Variants in CLASP1 observed in about 807,000 individuals in gnomAD.
The protein encoded by CLASP1 is CLIP-associating protein 1.
A neutral mutation model predicts 192.3 loss-of-function variants in CLASP1; 38 were observed. That is an observed-to-expected ratio of 0.20 (90% CI 0.15 to 0.26). The LOEUF (loss-of-function observed/expected upper bound fraction) is 0.26. Among genes scored for constraint, CLASP1 ranks in the 10% least tolerant of loss-of-function variants. The probability of loss-of-function intolerance (pLI) is 1.00; values close to 1 mark genes in which losing one functional copy is unlikely to be tolerated. For missense variants in CLASP1, 1,433 were observed against 1,932.5 expected (o/e 0.74, Z 4.85); for synonymous variants, 691 against 712.8 (o/e 0.97, Z 0.49).
At position 121,544,284 on chromosome 2, in the gene CLASP1, A is replaced by G. The variant is rs550876153; in HGVS notation, c.196-13959T>C. On this transcript the variant is annotated intron_variant, in intron 2 of 39. Coordinates refer to ENST00000263710, the Ensembl canonical transcript of CLASP1. ...ATTGGTTATAGCTCCCAGCATTCCAATCTCCACAGAGGCACCATGAGAGAC... is the reference window on the plus strand; with the variant it reads ...ATTGGTTATAGCTCCCAGCATTCCAGTCTCCACAGAGGCACCATGAGAGAC... Among the ~76,000 whole-genome samples the G allele has an allele frequency of 2.6e-5, 4 of 152,208 alleles. No individual in the cohort carries two copies. The East Asian group carries it at 5.8e-4, about 22-fold the overall frequency.
At chr2:121,629,066 G>C (rs2068948412) in intron 1 of CLASP1, among the ~76,000 whole-genome samples, 1 of 151,948 alleles carries the variant, frequency 6.6e-6, no homozygotes, top group Admixed American at 6.6e-5. Flanking sequence ...CCGTACAACA[G>C]CATACTATGC....
At chr2:121,565,663 A>G (rs1371395990) in intron 2 of CLASP1, among the ~76,000 whole-genome samples, 1 of 152,114 alleles carries the variant, frequency 6.6e-6, no homozygotes, top group Non-Finnish European at 1.5e-5. Context: ...CTGATGCCCC[A>G]TACTGTGAGC....
chr2:121,356,228 C>T (rs1222500233), intron 37 of CLASP1, among the ~76,000 whole-genome samples: 2 of 152,042 alleles, frequency 1.3e-5, no homozygotes, highest in South Asian at 2.1e-4. Flanking sequence ...GCTACTCAAT[C>T]GTGTGGAAGC....
Position 121,573,252 on chromosome 2 carries a change from G to A in CLASP1, c.195+32449C>T, listed in dbSNP as rs917410302. On this transcript the variant is annotated intron_variant, in intron 2 of 39. Transcript: ENST00000263710. Reference sequence around the variant, plus strand: ...TGGGATTACAGGCGTGAGCCACCGCGCCCAGCTGAAAACACAGTTTTCTAA... The same window carrying A: ...TGGGATTACAGGCGTGAGCCACCGCACCCAGCTGAAAACACAGTTTTCTAA... 4.6e-5 allele frequency among the ~76,000 whole-genome samples: 7 copies of A among 152,290 alleles called. 1 individual carries two copies. Among genetic ancestry groups the A allele is most frequent in the African/African-American group, 1.4e-4 (6 of 41,564 alleles).
chr2:121,595,192 G>A (rs938010160), intron 2 of CLASP1, among the ~76,000 whole-genome samples: 1 of 152,180 alleles, frequency 6.6e-6, no homozygotes, highest in Non-Finnish European at 1.5e-5. Context: ...GGGTGCTACA[G>A]TCAGACTATT....
At chr2:121,622,801 G>A (rs1454290607) in intron 1 of CLASP1, among the ~76,000 whole-genome samples, 1 of 152,126 alleles carries the variant, frequency 6.6e-6, no homozygotes, top group Non-Finnish European at 1.5e-5. Flanking sequence ...TTATATACAA[G>A]ATCATACCAT....
At chr2:121,502,679 G>A (rs1348988345) in intron 8 of CLASP1, among the ~76,000 whole-genome samples, 1 of 152,222 alleles carries the variant, frequency 6.6e-6, no homozygotes. Context: ...AGTGGGCCAT[G>A]GTGAGTTGGT....
intron 23 of CLASP1, among the ~76,000 whole-genome samples, chr2:121,417,254 T>A (rs960960151): frequency 6.6e-6 from 1 of 152,098 alleles, no homozygotes; most frequent in African/African-American, 2.4e-5. Flanking sequence ...CATGCCAGAT[T>A]CCAAAGGATG....
intron 7 of CLASP1, among the ~76,000 whole-genome samples, chr2:121,505,866 T>C (rs987697704): frequency 1.3e-5 from 2 of 152,046 alleles, no homozygotes; most frequent in Non-Finnish European, 2.9e-5. Flanking sequence ...ATTTTATATA[T>C]AAATTTTAAA....
chr2:121,475,968 A>G (rs1347765050), intron 8 of CLASP1, among the ~76,000 whole-genome samples: 1 of 152,232 alleles, frequency 6.6e-6, no homozygotes, highest in Non-Finnish European at 1.5e-5. Flanking sequence ...CTTCTACAGC[A>G]TCAGGATAAA....
chr2:121,564,639 C>T (rs571340788), intron 2 of CLASP1, among the ~76,000 whole-genome samples: 3 of 152,234 alleles, frequency 2.0e-5, no homozygotes, highest in Non-Finnish European at 4.4e-5. Flanking sequence ...ACACGGGAAA[C>T]CAAGCACACA....
At chr2:121,412,920 T>C (rs1483071003) in intron 23 of CLASP1, among the ~76,000 whole-genome samples, 1 of 152,192 alleles carries the variant, frequency 6.6e-6, no homozygotes. Flanking sequence ...CCTATGACTG[T>C]GCTCTCAGTC....
intron 2 of CLASP1, among the ~76,000 whole-genome samples, chr2:121,588,173 C>CAAAA (rs397769809): frequency 9.8e-5 from 6 of 61,020 alleles, no homozygotes; most frequent in Non-Finnish European, 2.0e-4. Context: ...GACTCCGTCT[C>CAAAA]AAAAAAAAAA....
chr2:121,510,801 AAATAAT>A (rs540818823), intron 7 of CLASP1, among the ~76,000 whole-genome samples: 55 of 152,156 alleles, frequency 3.6e-4, no homozygotes, highest in African/African-American at 1.3e-3. Context: ...CTGCCTCAAA[AAATAAT>A]AATAATAAAT....
At chr2:121,449,173 T>C in intron 16 of CLASP1, 53 bp from the exon 17 acceptor site, 3 of 1,538,180 alleles carry the variant, frequency 2.0e-6, no homozygotes, top group Non-Finnish European at 2.7e-6. Flanking sequence ...AACAGGTCTT[T>C]TGCTGAACTC....
At chr2:121,501,476 C>T (rs75389191) in intron 8 of CLASP1, among the ~76,000 whole-genome samples, 5,850 of 152,036 alleles carry the variant, frequency 0.038, 159 homozygotes, top group East Asian at 0.14. Flanking sequence ...GAAAATTACA[C>T]CATAGTTAAA....
intron 2 of CLASP1, among the ~76,000 whole-genome samples, chr2:121,566,014 G>C (rs575536670): frequency 2.6e-5 from 4 of 152,304 alleles, no homozygotes; most frequent in African/African-American, 2.4e-5. Context: ...CACAGCAGGA[G>C]CTAGCACTGG....
At chr2:121,379,325 GTAGAA>G (rs1488598199) in intron 33 of CLASP1, among the ~76,000 whole-genome samples, 1 of 152,142 alleles carries the variant, frequency 6.6e-6, no homozygotes, top group Non-Finnish European at 1.5e-5. Context: ...CTGACAGGAG[GTAGAA>G]TAAAAAACCT....
Position 121,382,197 on chromosome 2 carries a change from T to C in CLASP1, c.3491+11A>G. 1 of 1,586,898 alleles carries C rather than the reference T, an allele frequency of 6.3e-7. No individual in the cohort carries two copies. The highest frequency in any genetic ancestry group is 8.6e-7 in the Non-Finnish European group (1 of 1,161,604). Reference sequence around the variant, plus strand: ...TGACACCTCAGACAAGTTTGACAGGTAGCTTGTTACCTGGGAGAGTAAGAG... The same window carrying C: ...TGACACCTCAGACAAGTTTGACAGGCAGCTTGTTACCTGGGAGAGTAAGAG... On this transcript the variant is annotated intron_variant, in intron 33 of 39. Transcript: ENST00000263710.
Sources: gnomAD v4.1 joint callset for allele counts (sites outside exome capture counted in the v4.1 genomes callset) on GRCh38, gnomAD v4.1.1 for gene constraint, MANE v1.5 for transcripts, NCBI Gene and HGNC (gene_info 2026-07-23, HGNC 2026-07-21) for gene names.